The following MGMT variants were observed in gnomAD, a reference collection of about 807,000 sequenced individuals.
MGMT encodes the protein O-6-methylguanine-DNA methyltransferase.
A neutral mutation model predicts 15.9 loss-of-function variants in MGMT; 14 were observed. The observed-to-expected ratio is 0.88, with a 90% CI of 0.58 to 1.37. The LOEUF is 1.37. Ranked by LOEUF, MGMT falls within the 40% of genes most tolerant of loss-of-function variation. The pLI, the probability that MGMT is intolerant of heterozygous loss-of-function variation, is 0.00. For synonymous variants in MGMT, 130 were observed against 118.2 expected (o/e 1.10, Z -0.65); for missense variants, 282 against 268.1 (o/e 1.05, Z -0.36).
At chr10:129,536,967 T>C (rs1321626220) in intron 2 of MGMT, 1 of 152,178 alleles carries the variant, frequency 6.6e-6, no homozygotes, top group Non-Finnish European at 1.5e-5. Context: ...GACTTTAAGT[T>C]CTTGTCATTT....
chr10:129,738,396 C>T (rs1848591101), intron 3 of MGMT, among the ~76,000 whole-genome samples: 1 of 152,222 alleles, frequency 6.6e-6, no homozygotes, highest in Non-Finnish European at 1.5e-5. Flanking sequence ...TGAGGCAATG[C>T]CTCGCCCTGC....
At chr10:129,525,470 T>G (rs1187637868) in intron 1 of MGMT, among the ~76,000 whole-genome samples, 1 of 152,200 alleles carries the variant, frequency 6.6e-6, no homozygotes, top group African/African-American at 2.4e-5. Context: ...TTTCGATGAC[T>G]ATGCTGAGCC....
intron 2 of MGMT, among the ~76,000 whole-genome samples, chr10:129,636,622 G>A (rs557223598): frequency 3.0e-4 from 46 of 152,198 alleles, no homozygotes; most frequent in Non-Finnish European, 5.7e-4. Flanking sequence ...TAGAGGAAAA[G>A]CTTTCAGCAT....
intron 1 of MGMT, among the ~76,000 whole-genome samples, chr10:129,468,257 G>A (rs1845192824): frequency 6.6e-6 from 1 of 152,198 alleles, no homozygotes; most frequent in Admixed American, 6.5e-5. Flanking sequence ...AAAACACTCT[G>A]GGAGATGAAC....
At chr10:129,576,974 AC>A (rs1226739324) in intron 2 of MGMT, among the ~76,000 whole-genome samples, 2 of 152,332 alleles carry the variant, frequency 1.3e-5, no homozygotes, top group African/African-American at 4.8e-5. Context: ...AATCCAACTT[AC>A]AAGGGATGTG....
chr10:129,492,337 C>T (rs1337234261), intron 1 of MGMT, among the ~76,000 whole-genome samples: 1 of 152,190 alleles, frequency 6.6e-6, no homozygotes, highest in East Asian at 1.9e-4. Context: ...CCCACGTCCC[C>T]TGTTTCAAAG....
chr10:129,753,529 A>G (rs913516592), intron 3 of MGMT, among the ~76,000 whole-genome samples: 13 of 150,984 alleles, frequency 8.6e-5, no homozygotes, highest in African/African-American at 3.2e-4. Flanking sequence ...TGTTGTTTGG[A>G]TGATTTTTTG....
chr10:129,506,294 T>G (rs1160015121), intron 1 of MGMT, among the ~76,000 whole-genome samples: 1 of 152,162 alleles, frequency 6.6e-6, no homozygotes, highest in African/African-American at 2.4e-5. Flanking sequence ...AGCTTGTCCC[T>G]GGCCCCACCC....
chr10:129,602,240 A>G (rs1267269352), intron 2 of MGMT, among the ~76,000 whole-genome samples: 1 of 152,110 alleles, frequency 6.6e-6, no homozygotes, highest in Non-Finnish European at 1.5e-5. Flanking sequence ...TTTAATAGTA[A>G]TAGTGATTTC....
chr10:129,548,096 G>C (rs1337941315), intron 2 of MGMT, among the ~76,000 whole-genome samples: 1 of 152,208 alleles, frequency 6.6e-6, no homozygotes, highest in Non-Finnish European at 1.5e-5. Context: ...CAATTTGCTA[G>C]GTTGCAATTA....
intron 1 of MGMT, among the ~76,000 whole-genome samples, chr10:129,520,550 CCGTGCA>C (rs1845793847): frequency 2.0e-5 from 3 of 147,284 alleles, no homozygotes; most frequent in Non-Finnish European, 3.0e-5. Flanking sequence ...AGAGCCCCTA[CCGTGCA>C]GGTGCAGAGC....
intron 2 of MGMT, among the ~76,000 whole-genome samples, chr10:129,647,363 A>G (rs1162441940): frequency 6.6e-6 from 1 of 152,190 alleles, no homozygotes. Context: ...AATGCATAAA[A>G]TTAAAGGCAG....
chr10:129,506,559 T>C (rs924645757), intron 1 of MGMT, among the ~76,000 whole-genome samples: 2 of 152,170 alleles, frequency 1.3e-5, no homozygotes, highest in African/African-American at 4.8e-5. Context: ...GCATTTATGC[T>C]CATGCCCAGC....
chr10:129,764,745 G>A (rs1298751244), intron 4 of MGMT, among the ~76,000 whole-genome samples: 1 of 152,236 alleles, frequency 6.6e-6, no homozygotes, highest in Non-Finnish European at 1.5e-5. Flanking sequence ...CCCGGAGGTA[G>A]CCTGGACACG....
intron 2 of MGMT, among the ~76,000 whole-genome samples, chr10:129,570,248 A>G (rs1436648168): frequency 6.6e-6 from 1 of 152,284 alleles, no homozygotes; most frequent in Non-Finnish European, 1.5e-5. Flanking sequence ...GTTACTTTGT[A>G]TCCTTAACTA....
At chr10:129,479,075 A>G (rs1044389864) in intron 1 of MGMT, among the ~76,000 whole-genome samples, 4 of 152,316 alleles carry the variant, frequency 2.6e-5, no homozygotes, top group African/African-American at 9.6e-5. Flanking sequence ...CTGTGACAGC[A>G]GTTGTATCAG....
intron 2 of MGMT, among the ~76,000 whole-genome samples, chr10:129,561,442 G>T (rs1290298440): frequency 6.6e-6 from 1 of 152,180 alleles, no homozygotes; most frequent in East Asian, 1.9e-4. Context: ...TTCTTTGCCG[G>T]ATGCTACCGT....
chr10:129,660,151 T>C (rs534363992), intron 2 of MGMT, among the ~76,000 whole-genome samples: 2 of 152,248 alleles, frequency 1.3e-5, no homozygotes, highest in Non-Finnish European at 2.9e-5. Flanking sequence ...TGATTTTTCA[T>C]CTCCCTGCCA....
intron 2 of MGMT, among the ~76,000 whole-genome samples, chr10:129,673,749 A>AT (rs918146359): frequency 3.9e-5 from 6 of 152,154 alleles, no homozygotes; most frequent in African/African-American, 1.2e-4. Context: ...GGATGTATGT[A>AT]TTTTTTGGAT....
Sources: gnomAD v4.1 joint callset for allele counts (sites outside exome capture counted in the v4.1 genomes callset) on GRCh38, gnomAD v4.1.1 for gene constraint, MANE v1.5 for transcripts, NCBI Gene and HGNC (gene_info 2026-07-23, HGNC 2026-07-21) for gene names.